MMRN1: variants seen among roughly 807,000 people sequenced by gnomAD.
MMRN1 encodes multimerin 1.
MMRN1 carries 94 observed loss-of-function variants against 100.7 expected under a neutral mutation model. The observed-to-expected ratio is 0.93, with a 90% CI of 0.79 to 1.11. The LOEUF is 1.11. Ranked by LOEUF, MMRN1 falls within the 50% of genes least tolerant of loss-of-function variation. The pLI is 0.00. For synonymous variants in MMRN1, 575 were observed against 505.0 expected, an observed-to-expected ratio of 1.14 and a Z score of -1.86; for missense variants, 1,606 against 1,439.1, an observed-to-expected ratio of 1.12 and a Z score of -1.88.
intron 3 of MMRN1, among the ~76,000 whole-genome samples, chr4:89,916,145 G>A (rs1000339524): frequency 1.3e-5 from 2 of 149,764 alleles, no homozygotes; most frequent in African/African-American, 5.0e-5. Context: ...ATGAATGCAA[G>A]TACTGAACTC....
chr4:89,896,772 T>A (rs1424811068), intron 1 of MMRN1, among the ~76,000 whole-genome samples: 1 of 152,216 alleles, frequency 6.6e-6, no homozygotes, highest in African/African-American at 2.4e-5. Flanking sequence ...CCAATGAATT[T>A]ACTTATTTCT....
chr4:89,912,379 TA>T (rs1003713030), intron 3 of MMRN1, among the ~76,000 whole-genome samples: 2 of 151,388 alleles, frequency 1.3e-5, no homozygotes, highest in African/African-American at 2.4e-5. Flanking sequence ...AATTTTTAAA[TA>T]AAGTGTTATT....
chr4:89,895,069 G>T lies in MMRN1; in HGVS notation c.98G>T (p.Gly33Val). 2.5e-6 allele frequency: 4 copies of T among 1,613,854 alleles called. No homozygotes were observed. The highest frequency in any genetic ancestry group is 3.4e-6 in the Non-Finnish European group (4 of 1,179,886). ...SKHSWTIPED[G>V]NSQKTMPSAS... Reference sequence around the variant, plus strand: ...CATTCTTGGACTATACCTGAGGATGGGAACTCTCAGAAGACTATGCCTTCT... The same window carrying T: ...CATTCTTGGACTATACCTGAGGATGTGAACTCTCAGAAGACTATGCCTTCT... Residue 33 changes from glycine (G) to valine (V), a missense_variant, in exon 1 of 8, where the codon GGG becomes GTG. By Grantham distance (109) the Gly-to-Val change is moderately radical (BLOSUM62 -3). Transcript: ENST00000264790.
At chr4:89,909,760 A>G (rs561389260) in intron 2 of MMRN1, among the ~76,000 whole-genome samples, 2 of 151,488 alleles carry the variant, frequency 1.3e-5, no homozygotes, top group Admixed American at 1.3e-4. Flanking sequence ...TTGAAGATTT[A>G]TTATTTTCTC....
chr4:89,934,978 C>T lies in MMRN1; in HGVS notation c.1298C>T (p.Ser433Phe). The T allele has an allele frequency of 6.2e-7, 1 of 1,613,462 alleles. No individual in the cohort carries two copies. Among genetic ancestry groups the T allele is most frequent in the South Asian group, 1.1e-5 (1 of 90,994 alleles). ...TRQIIQKVNE[S>F]VVSIAAQQKF... ...CAAATAATTCAAAAAGTTAATGAAT[C>T]TGTGGTTTCAATAGCAGCCCAGCAA... The change falls in exon 6 of 8, where the codon TCT becomes TTT. Residue 433 changes from serine (S) to phenylalanine (F), a missense_variant. Physicochemically the swap from Ser to Phe is radical, Grantham distance 155. Coordinates refer to ENST00000264790, the MANE Select transcript of MMRN1 (RefSeq NM_007351.3).
intron 1 of MMRN1, among the ~76,000 whole-genome samples, chr4:89,900,152 T>C (rs1721338049): frequency 6.6e-6 from 1 of 152,102 alleles, no homozygotes; most frequent in Non-Finnish European, 1.5e-5. Context: ...TCGAAGGCAA[T>C]GGCAACAACT....
intron 1 of MMRN1, among the ~76,000 whole-genome samples, chr4:89,904,271 A>G (rs1273688143): frequency 1.3e-5 from 2 of 151,128 alleles, no homozygotes; most frequent in Non-Finnish European, 3.0e-5. Flanking sequence ...ATTTATTTTT[A>G]TTGTGGTAAA....
At chr4:89,902,335 T>C (rs554052488) in intron 1 of MMRN1, among the ~76,000 whole-genome samples, 1 of 149,946 alleles carries the variant, frequency 6.7e-6, no homozygotes, top group Non-Finnish European at 1.5e-5. Context: ...ATAAAAAAAA[T>C]AAATAAATAA....
intron 6 of MMRN1, among the ~76,000 whole-genome samples, chr4:89,948,141 C>T (rs761622875): frequency 9.2e-5 from 14 of 152,040 alleles, no homozygotes; most frequent in Non-Finnish European, 1.9e-4. Flanking sequence ...CGTGAGCCAC[C>T]GTACCCAGCC....
At chr4:89,919,122 G>A (rs1388989916) in intron 3 of MMRN1, among the ~76,000 whole-genome samples, 2 of 151,534 alleles carry the variant, frequency 1.3e-5, no homozygotes, top group Non-Finnish European at 3.0e-5. Context: ...TATTAGGTAA[G>A]TTCTGTAATA....
At chr4:89,910,792 A>G (rs1340409477) in intron 2 of MMRN1, among the ~76,000 whole-genome samples, 3 of 151,438 alleles carry the variant, frequency 2.0e-5, no homozygotes, top group Non-Finnish European at 4.4e-5. Flanking sequence ...CAACTGACAA[A>G]TAGCCTCAGA....
chr4:89,901,400 A>T (rs1721383490), intron 1 of MMRN1, among the ~76,000 whole-genome samples: 1 of 151,658 alleles, frequency 6.6e-6, no homozygotes, highest in African/African-American at 2.4e-5. Flanking sequence ...ATGACAAATT[A>T]GAAAATTATT....
intron 1 of MMRN1, among the ~76,000 whole-genome samples, chr4:89,880,910 AATTCTAAAAG>A (rs1720802233): frequency 6.6e-6 from 1 of 152,156 alleles, no homozygotes; most frequent in African/African-American, 2.4e-5. Flanking sequence ...CACTGCATGT[AATTCTAAAAG>A]AAATGTTAAA....
upstream of MMRN1, among the ~76,000 whole-genome samples, chr4:89,891,366 C>T (rs1002530532): frequency 2.0e-5 from 3 of 152,008 alleles, no homozygotes; most frequent in Non-Finnish European, 4.4e-5. Flanking sequence ...ATAGCTTCAT[C>T]TATTCGTTCA....
chr4:89,898,054 AC>A lies in MMRN1; in HGVS notation c.623+2462del, dbSNP rs770796536. ...TTTTCTTTTAGTAATCCTTTCCATTACCAAGATTCCTTACTCATTAGGCCAT... is the reference window on the plus strand; with the variant it reads ...TTTTCTTTTAGTAATCCTTTCCATTACAAGATTCCTTACTCATTAGGCCAT... On this transcript the variant is annotated intron_variant, in intron 1 of 7. Transcript: ENST00000264790. 3.9e-5 allele frequency among the ~76,000 whole-genome samples: 6 copies of A among 152,258 alleles called. No individual in the cohort carries two copies. The South Asian group carries it at 6.2e-4, about 16-fold the overall frequency.
rs191623904 is a variant in MMRN1, at chr4:89,886,507, A to T, written c.-249+6905A>T. On this transcript the variant is annotated intron_variant, in intron 1 of 8. Transcript: ENST00000394980. ...AGGGTTCCATGTACATTTAAAAAGT[A>T]TGTGTTCTGTAGTTGTTGGATGTTC... Among the ~76,000 whole-genome samples the T allele has an allele frequency of 2.6e-3, 399 of 152,212 alleles. 3 individuals are homozygous for T. The highest frequency in any genetic ancestry group is 8.8e-3 in the African/African-American group (364 of 41,552).
chr4:89,918,156 AATTAATATAT>A (rs1199839565), intron 3 of MMRN1, among the ~76,000 whole-genome samples: 8 of 150,928 alleles, frequency 5.3e-5, no homozygotes, highest in South Asian at 2.1e-4. Context: ...TATATATTTC[AATTAATATAT>A]ATTCATTTAA....
chr4:89,885,865 T>C (rs1173193712), intron 1 of MMRN1, among the ~76,000 whole-genome samples: 1 of 152,024 alleles, frequency 6.6e-6, no homozygotes, highest in African/African-American at 2.4e-5. Context: ...TCTTTCTTCT[T>C]TGCCCATTTT....
intron 3 of MMRN1, among the ~76,000 whole-genome samples, chr4:89,913,223 T>C (rs1438748098): frequency 6.6e-6 from 1 of 151,298 alleles, no homozygotes; most frequent in African/African-American, 2.4e-5. Context: ...CTGGATAATA[T>C]TTAGAATTCT....
Sources: gnomAD v4.1 joint callset for allele counts (sites outside exome capture counted in the v4.1 genomes callset) on GRCh38, gnomAD v4.1.1 for gene constraint, MANE v1.5 for transcripts, NCBI Gene and HGNC (gene_info 2026-07-23, HGNC 2026-07-21) for gene names.